The following TTYH2 variants were observed in gnomAD, a reference collection of about 807,000 sequenced individuals.
The protein encoded by TTYH2 is protein tweety homolog 2.
In TTYH2, 49 loss-of-function variants were observed where a neutral mutation model predicts 68.3. The ratio of observed to expected loss-of-function variants is 0.72; its 90% CI spans 0.57 to 0.91. The LOEUF is 0.91. Ranked by LOEUF, TTYH2 falls within the 40% of genes least tolerant of loss-of-function variation. The pLI, the probability that TTYH2 is intolerant of heterozygous loss-of-function variation, is 0.00. For missense variants in TTYH2, 631 were observed against 700.4 expected, an observed-to-expected ratio of 0.90 and a Z score of 1.12; for synonymous variants, 272 against 300.8, an observed-to-expected ratio of 0.90 and a Z score of 0.99.
Position 74,229,827 on chromosome 17 carries a change from A to G in TTYH2, c.303-1061A>G, listed in dbSNP as rs747994352. 2.6e-5 allele frequency among the ~76,000 whole-genome samples: 4 copies of G among 152,168 alleles called. No individual in the cohort carries two copies. In the South Asian group the frequency reaches 8.3e-4, roughly 32 times the overall value. On this transcript the variant is annotated intron_variant, in intron 2 of 13. Transcript: ENST00000269346. ...TCTGAAAAAGGCAAAACTAAGGAGAAAGTGAAAAGGTCAAGGGTTAAGGCC... is the reference window on the plus strand; with the variant it reads ...TCTGAAAAAGGCAAAACTAAGGAGAGAGTGAAAAGGTCAAGGGTTAAGGCC...
intron 10 of TTYH2, 54 bp from the exon 11 acceptor site, chr17:74,252,180 C>T (rs1257925029): frequency 1.9e-5 from 31 of 1,601,876 alleles, no homozygotes; most frequent in African/African-American, 1.3e-5. Flanking sequence ...GAGCTCGGCC[C>T]GCAGGCTTTG....
Position 74,260,169 on chromosome 17 carries a change from A to AT in TTYH2, c.1566dup (p.Glu523Ter). 6.2e-7 allele frequency: 1 copy of AT among 1,613,940 alleles called. No homozygotes were observed. The highest frequency in any genetic ancestry group is 1.1e-5 in the South Asian group (1 of 91,072). ...AGAGCCACCTACCTGTCTGTGGCGG[A>AT]TGAGCACCTGAGGCACTACGGGAAT... On this transcript the variant is annotated frameshift_variant, in exon 14 of 14. Coordinates refer to ENST00000269346, the MANE Select transcript of TTYH2 (RefSeq NM_032646.6). LOFTEE classifies it high-confidence loss of function.
intron 2 of TTYH2, among the ~76,000 whole-genome samples, chr17:74,228,374 C>T (rs1237166241): frequency 6.6e-6 from 1 of 152,166 alleles, no homozygotes; most frequent in Non-Finnish European, 1.5e-5. Context: ...TGGACGTGTA[C>T]ATTCATCTCC....
At chr17:74,246,437 G>C (rs558380604) in intron 6 of TTYH2, among the ~76,000 whole-genome samples, 3 of 152,276 alleles carry the variant, frequency 2.0e-5, no homozygotes, top group Non-Finnish European at 2.9e-5. Context: ...CATCCTGGGA[G>C]GCACACAGAA....
At chr17:74,218,657 G>C (rs528178440) in intron 1 of TTYH2, among the ~76,000 whole-genome samples, 15 of 152,216 alleles carry the variant, frequency 9.9e-5, no homozygotes, top group Non-Finnish European at 1.8e-4. Flanking sequence ...GGCCACAGGG[G>C]CTCAGCGGCT....
intron 13 of TTYH2, 30 bp from the exon 14 acceptor site, chr17:74,260,099 C>G (rs1339782374): frequency 6.2e-7 from 1 of 1,606,592 alleles, no homozygotes; most frequent in Non-Finnish European, 8.5e-7. Flanking sequence ...TGACTCAGCT[C>G]TGACCATCCC....
At chr17:74,243,506 TG>T (rs1567817613) in intron 5 of TTYH2, 37 bp downstream of exon 5, 1 of 1,600,184 alleles carries the variant, frequency 6.2e-7, no homozygotes, top group East Asian at 2.2e-5. Context: ...GACAAAGAGC[TG>T]GGCAGGATGC....
chr17:74,243,170 G>A lies in TTYH2; in HGVS notation c.636-204G>A, dbSNP rs1398928917. ...GCCTAGAGGTGAAGGCAGGGGGTGT[G>A]AATTGACAGCTTTGTCCAGGCAGCA... On this transcript the variant is annotated intron_variant, in intron 4 of 13. Transcript: ENST00000269346. 2.0e-5 allele frequency among the ~76,000 whole-genome samples: 3 copies of A among 152,162 alleles called. No homozygotes were observed. In the East Asian group the frequency reaches 5.8e-4, roughly 29 times the overall value.
chr17:74,215,556 G>A lies in TTYH2; in HGVS notation c.129+1840G>A, dbSNP rs146915785. ...TTCCAGAGGGTGTCCCTTCCCATCGGCCACTGCTCCTGGGCAGCTGACACC... is the reference window on the plus strand; with the variant it reads ...TTCCAGAGGGTGTCCCTTCCCATCGACCACTGCTCCTGGGCAGCTGACACC... On this transcript the variant is annotated intron_variant, in intron 1 of 13. Coordinates refer to ENST00000269346, the MANE Select transcript of TTYH2 (RefSeq NM_032646.6). The surrounding 1 kb of genome is among the most constrained non-coding windows in gnomAD (Gnocchi z 4.3). The A allele has an allele frequency of 1.1e-3, 1,611 of 1,402,588 alleles. 14 individuals carry two copies. The African/African-American group carries it at 0.02, about 17-fold the overall frequency. 86.9% of individuals were successfully genotyped at this position (1,402,588 alleles called of 1,614,324 possible).
intron 2 of TTYH2, among the ~76,000 whole-genome samples, chr17:74,226,309 C>A (rs191010456): frequency 6.6e-6 from 1 of 152,192 alleles, no homozygotes; most frequent in Non-Finnish European, 1.5e-5. Flanking sequence ...CAGTGTTTAA[C>A]AGCTAGGACG....
intron 13 of TTYH2, among the ~76,000 whole-genome samples, chr17:74,257,821 C>G (rs1285106616): frequency 6.6e-6 from 1 of 152,168 alleles, no homozygotes; most frequent in Non-Finnish European, 1.5e-5. Context: ...CTAAGTTTAA[C>G]AAACTTATTA....
In TTYH2 at chr17:74,241,294, T is replaced by TGTGC. The variant is rs1555599444; in HGVS notation, c.636-2076_636-2073dup. 0.012 allele frequency among the ~76,000 whole-genome samples: 1,766 copies of TGTGC among 144,294 alleles called. 34 individuals carry two copies. The highest frequency in any genetic ancestry group is 0.044 in the African/African-American group (1,671 of 38,124). 94.7% of individuals were successfully genotyped at this position (144,294 alleles called of 152,430 possible). A position where few individuals can be genotyped will look rare whatever the true frequency, so the allele number is the denominator to read the frequency against. On this transcript the variant is annotated intron_variant, in intron 4 of 13. Transcript: ENST00000269346. The surrounding 1 kb of genome is among the most constrained non-coding windows in gnomAD (Gnocchi z 4.1). Reference sequence around the variant, plus strand: ...GTGTGTGTGTGTGTGTGTGTGTGTGTGTGCGTGTAAAAATAAGAATGTGAT... The same window carrying TGTGC: ...GTGTGTGTGTGTGTGTGTGTGTGTGTGTGCGTGCGTGTAAAAATAAGAATGTGAT...
rs548523370 is a variant in TTYH2 at position 74,222,801 on chromosome 17, T to C, written c.302+144T>C. On this transcript the variant is annotated intron_variant, in intron 2 of 13. Transcript: ENST00000269346. The surrounding 1 kb of genome is among the most constrained non-coding windows in gnomAD (Gnocchi z 5.2). ...TGAATGTTGTCCCTTTTTTTTTTTT[T>C]ACCAAGCATCAGGAATCAGATGCCT... The C allele has an allele frequency of 5.3e-5, 52 of 986,604 alleles. No homozygotes were observed. In the African/African-American group the frequency reaches 6.1e-4, roughly 12 times the overall value. 61.1% of individuals were successfully genotyped at this position (986,604 alleles called of 1,614,324 possible). A position where few individuals can be genotyped will look rare whatever the true frequency, so the allele number is the denominator to read the frequency against.
chr17:74,219,109 C>G (rs1331595876), intron 1 of TTYH2, among the ~76,000 whole-genome samples: 1 of 151,828 alleles, frequency 6.6e-6, no homozygotes, highest in Non-Finnish European at 1.5e-5. Flanking sequence ...CCCAGCTACT[C>G]AGGAGGCTGA....
At chr17:74,246,660 C>A (rs1598228285) in intron 6 of TTYH2, among the ~76,000 whole-genome samples, 1 of 152,272 alleles carries the variant, frequency 6.6e-6, no homozygotes, top group Non-Finnish European at 1.5e-5. Context: ...ATCCCTATCA[C>A]CATGGCATGA....
At chr17:74,227,517 G>A (rs769826550) in intron 2 of TTYH2, among the ~76,000 whole-genome samples, 25 of 152,160 alleles carry the variant, frequency 1.6e-4, no homozygotes, top group Non-Finnish European at 2.8e-4. Context: ...GGAGGGTCAC[G>A]GGAAGACAAT....
At chr17:74,247,961 G>GT (rs2050577752) in intron 6 of TTYH2, 1 of 152,188 alleles carries the variant, frequency 6.6e-6, no homozygotes. Context: ...TTTCTAGACC[G>GT]TAAGTGCTGT....
At position 74,243,983 on chromosome 17, in the gene TTYH2, G is replaced by A. The variant is rs897609681; in HGVS notation, c.738G>A (p.Leu246=). 3 of 1,611,950 alleles carry A rather than the reference G, an allele frequency of 1.9e-6. No individual in the cohort carries two copies. In the African/African-American group the frequency reaches 4.0e-5, roughly 22 times the overall value. ...TCGCCTGCCTCTCTCCTAGGATGCT[G>A]TGCTGTGGGGCACTGAGCCTGCTCC... The part of the protein sequence containing the change: ...KRSKCLLASM[L]CCGALSLLLS... Residue 246 remains leucine (L), a synonymous_variant, in exon 6 of 14, where the codon CTG becomes CTA. Coordinates refer to ENST00000269346, the MANE Select transcript of TTYH2 (RefSeq NM_032646.6).
At chr17:74,248,603 G>A (rs1335662344) in intron 6 of TTYH2, 2 of 1,064,170 alleles carry the variant, frequency 1.9e-6, no homozygotes, top group Admixed American at 9.3e-5. Context: ...AGCAGATGAG[G>A]CCATGGTGTA....
Sources: gnomAD v4.1 joint callset for allele counts (sites outside exome capture counted in the v4.1 genomes callset) on GRCh38, gnomAD v4.1.1 for gene constraint, Gnocchi (gnomAD v3.1) non-coding constraint, MANE v1.5 for transcripts, NCBI Gene and HGNC (gene_info 2026-07-23, HGNC 2026-07-21) for gene names.